Variants in ASTN1 observed in about 807,000 individuals in gnomAD.
ASTN1 encodes astrotactin 1, also known as astrotactin-1.
ASTN1 carries 41 observed loss-of-function variants against 140.7 expected under a neutral mutation model. The observed-to-expected ratio is 0.29, with a 90% CI of 0.23 to 0.38. ASTN1 has a LOEUF of 0.38. ASTN1 is among the 10% of genes least tolerant of loss of function. The probability of loss-of-function intolerance (pLI) is 1.00; values close to 1 mark genes in which losing one functional copy is unlikely to be tolerated. For synonymous variants in ASTN1, 640 were observed against 652.2 expected, an observed-to-expected ratio of 0.98 and a Z score of 0.29; for missense variants, 1,479 against 1,678.8, an observed-to-expected ratio of 0.88 and a Z score of 2.08.
At chr1:176,883,609 G>A (rs914663604) in intron 19 of ASTN1, among the ~76,000 whole-genome samples, 2 of 152,296 alleles carry the variant, frequency 1.3e-5, no homozygotes, top group South Asian at 2.1e-4. Flanking sequence ...TGGAAGAAGC[G>A]GTAGGCAGCT....
chr1:177,055,412 A>G (rs1334892325), intron 2 of ASTN1, among the ~76,000 whole-genome samples: 2 of 152,242 alleles, frequency 1.3e-5, no homozygotes, highest in Non-Finnish European at 2.9e-5. Flanking sequence ...ATGGTCCCCA[A>G]ATGGACCCTG....
intron 1 of ASTN1, among the ~76,000 whole-genome samples, chr1:177,084,508 A>T (rs1255296828): frequency 2.6e-5 from 4 of 151,868 alleles, no homozygotes; most frequent in Admixed American, 2.0e-4. Flanking sequence ...AAAAAGGTGA[A>T]CTCTGTTAAC....
chr1:176,894,421 G>T, intron 17 of ASTN1, 141 bp downstream of exon 17: 1 of 1,108,210 alleles, frequency 9.0e-7, no homozygotes, highest in Non-Finnish European at 1.3e-6. Flanking sequence ...CAAATTAGGT[G>T]CCCAGATTAG....
intron 18 of ASTN1, among the ~76,000 whole-genome samples, chr1:176,886,496 C>T (rs892540774): frequency 7.2e-5 from 11 of 152,184 alleles, no homozygotes; most frequent in Non-Finnish European, 1.6e-4. Flanking sequence ...TAATAATGAG[C>T]TTGATTCTCT....
chr1:177,084,323 C>T (rs1679322141), intron 1 of ASTN1, among the ~76,000 whole-genome samples: 1 of 152,200 alleles, frequency 6.6e-6, no homozygotes, highest in Non-Finnish European at 1.5e-5. Flanking sequence ...ACATGTCTCC[C>T]ACCAAAGGCA....
At chr1:176,891,881 C>T (rs1669283978) in intron 17 of ASTN1, among the ~76,000 whole-genome samples, 1 of 152,132 alleles carries the variant, frequency 6.6e-6, no homozygotes, top group Non-Finnish European at 1.5e-5. Flanking sequence ...GATACACACA[C>T]AATGGGAATT....
At chr1:177,101,196 C>G (rs1160599826) in intron 1 of ASTN1, among the ~76,000 whole-genome samples, 1 of 152,198 alleles carries the variant, frequency 6.6e-6, no homozygotes, top group African/African-American at 2.4e-5. Context: ...CAAAATTCCA[C>G]TCATTATTAT....
chr1:177,149,098 AATAT>A lies in ASTN1; in HGVS notation c.283+15292_283+15295del, dbSNP rs983484163. 3.6e-5 allele frequency among the ~76,000 whole-genome samples: 5 copies of A among 137,714 alleles called. No individual in the cohort carries two copies. In the South Asian group the frequency reaches 1.1e-3, roughly 30 times the overall value. 90.3% of individuals were successfully genotyped at this position (137,714 alleles called of 152,430 possible). On this transcript the variant is annotated intron_variant, in intron 1 of 22. Coordinates refer to ENST00000361833, the MANE Select transcript of ASTN1 (RefSeq NM_004319.3). ...ATATATAGTAAACATATATATAGTA[AATAT>A]ATATAGTGTATATATAGTAAATATA...
intron 8 of ASTN1, among the ~76,000 whole-genome samples, chr1:176,968,413 T>A (rs1169780508): frequency 6.6e-6 from 1 of 152,200 alleles, no homozygotes; most frequent in East Asian, 1.9e-4. Flanking sequence ...ATAGATGTCT[T>A]CACATAGGCT....
chr1:176,876,394 C>G (rs778426182), intron 21 of ASTN1, 143 bp downstream of exon 21: 15 of 810,014 alleles, frequency 1.9e-5, no homozygotes, highest in Non-Finnish European at 3.0e-5. Context: ...AAAGGCAACG[C>G]TCCTGTACTG....
chr1:176,914,540 T>G (rs529474158), intron 16 of ASTN1, among the ~76,000 whole-genome samples: 28 of 152,336 alleles, frequency 1.8e-4, no homozygotes, highest in African/African-American at 6.7e-4. Flanking sequence ...GCTAGGGTCA[T>G]ACCGCATGGG....
intron 11 of ASTN1, among the ~76,000 whole-genome samples, chr1:176,954,637 G>C (rs547590693): frequency 2.0e-5 from 3 of 152,336 alleles, no homozygotes; most frequent in African/African-American, 7.2e-5. Context: ...CAATAGACCA[G>C]AAAACTGCTG....
chr1:176,860,555 A>G (rs142754095), downstream of ASTN1, among the ~76,000 whole-genome samples: 103 of 152,344 alleles, frequency 6.8e-4, 1 homozygote, highest in African/African-American at 2.4e-3. Flanking sequence ...AGTCTTCCTC[A>G]AATGCTCCTA....
Position 176,979,196 on chromosome 1 carries a change from G to A in ASTN1, c.1524-13959C>T, listed in dbSNP as rs142892902. On this transcript the variant is annotated intron_variant, in intron 8 of 22. Transcript: ENST00000361833. ...TTCCATGCTTTAAATCCTCACCCTG[G>A]TCATCAAGACTCCTGCATGCTCTAG... is the stretch of plus-strand genomic sequence containing the variant. 7.4e-4 allele frequency among the ~76,000 whole-genome samples: 113 copies of A among 152,252 alleles called. 2 individuals carry two copies. The Middle Eastern group carries it at 0.014, about 18-fold the overall frequency.
intron 12 of ASTN1, among the ~76,000 whole-genome samples, chr1:176,946,725 C>A (rs1211015774): frequency 6.6e-6 from 1 of 152,140 alleles, no homozygotes; most frequent in Non-Finnish European, 1.5e-5. Context: ...ACTAAATAGA[C>A]CCTAGGGCAC....
rs2076069 is a variant in ASTN1 at position 177,032,760 on chromosome 1, C to G, written c.561G>C (p.Pro187=). Residue 187 remains proline (P), a synonymous_variant, in exon 3 of 23, where the codon CCG becomes CCC. Coordinates refer to ENST00000361833, the MANE Select transcript of ASTN1 (RefSeq NM_004319.3). ...CAGCACTGGCACTCTTCTGGGGCTG[C>G]GGGACCCGGCGGCGTTTGCACCAGC... ...RRRWCKRRRV[P]QPQKSASAEA... The G allele has an allele frequency of 0.17, 270,220 of 1,613,206 alleles. 24,182 individuals carry two copies. Among genetic ancestry groups the G allele is most frequent in the East Asian group, 0.23 (10,419 of 44,796 alleles).
intron 1 of ASTN1, among the ~76,000 whole-genome samples, chr1:177,140,448 C>T (rs1682412039): frequency 6.6e-6 from 1 of 152,124 alleles, no homozygotes; most frequent in Non-Finnish European, 1.5e-5. Context: ...TATAATGTGA[C>T]CCAATTTACC....
At chr1:176,989,983 C>T (rs1056726392) in intron 8 of ASTN1, among the ~76,000 whole-genome samples, 1 of 152,088 alleles carries the variant, frequency 6.6e-6, no homozygotes, top group Non-Finnish European at 1.5e-5. Flanking sequence ...GGAGTTCTGA[C>T]TCTCAGTGGA....
At chr1:177,101,835 T>A (rs1453061800) in intron 1 of ASTN1, among the ~76,000 whole-genome samples, 1 of 152,208 alleles carries the variant, frequency 6.6e-6, no homozygotes, top group African/African-American at 2.4e-5. Context: ...CCTGCCCTTG[T>A]CTTCCCTCAT....
Sources: allele counts gnomAD v4.1 joint callset (sites outside exome capture counted in the v4.1 genomes callset), GRCh38; gene constraint gnomAD v4.1.1; transcripts MANE v1.5; gene names NCBI Gene and HGNC (gene_info 2026-07-23, HGNC 2026-07-21).